CCDC33: variants seen among roughly 807,000 people sequenced by gnomAD.
CCDC33 encodes coiled-coil domain-containing protein 33.
CCDC33 carries 94 observed loss-of-function variants against 91.9 expected under a neutral mutation model. The observed-to-expected ratio is 1.02, with a 90% confidence interval of 0.87 to 1.21. CCDC33 has a LOEUF of 1.21. CCDC33 is among the 50% of genes most tolerant of loss of function. The pLI is 0.00. For synonymous variants in CCDC33, 396 were observed against 374.5 expected (o/e 1.06, Z -0.66); for missense variants, 940 against 935.5 (o/e 1.00, Z -0.06).
upstream of CCDC33, among the ~76,000 whole-genome samples, chr15:74,232,281 G>A (rs2142203064): frequency 6.6e-6 from 1 of 152,294 alleles, no homozygotes; most frequent in African/African-American, 2.4e-5. Flanking sequence ...TTCAAATTCA[G>A]GAGCTTGAGG....
intron 2 of CCDC33, among the ~76,000 whole-genome samples, chr15:74,247,908 C>A (rs1171595920): frequency 6.6e-6 from 1 of 152,110 alleles, no homozygotes; most frequent in African/African-American, 2.4e-5. Flanking sequence ...GAAACCCCAT[C>A]TCTATTAAAA....
rs555744376 is a variant in CCDC33, at chr15:74,331,404, T to C, written c.1771+108T>C. 1.7e-4 allele frequency: 182 copies of C among 1,099,012 alleles called. 2 individuals carry two copies. In the East Asian group the frequency reaches 2.9e-3, roughly 17 times the overall value. 68.1% of individuals were successfully genotyped at this position (1,099,012 alleles called of 1,614,324 possible). The stretch of plus-strand genomic sequence containing the variant: ...CAGGAGAACCTGCGAAGAGGTCCCC[T>C]GCACTCAGTTATGTCTGTGGGCCTG... On this transcript the variant is annotated intron_variant, in intron 15 of 18. Coordinates refer to ENST00000398814, the MANE Select transcript of CCDC33 (RefSeq NM_025055.5).
intron 11 of CCDC33, among the ~76,000 whole-genome samples, chr15:74,308,607 C>G (rs1319947617): frequency 1.1e-3 from 173 of 152,274 alleles, no homozygotes; most frequent in Non-Finnish European, 4.4e-5. Flanking sequence ...GGAGGGGGGA[C>G]AGCGTTGCCC....
At chr15:74,240,315 G>A (rs1039440346) in intron 1 of CCDC33, among the ~76,000 whole-genome samples, 1 of 152,240 alleles carries the variant, frequency 6.6e-6, no homozygotes, top group East Asian at 1.9e-4. Flanking sequence ...TGGGCTCTGG[G>A]GCTGCCAGGG....
At chr15:74,220,740 A>G (rs2074565996) in intron 2 of CCDC33, among the ~76,000 whole-genome samples, 4 of 152,196 alleles carry the variant, frequency 2.6e-5, no homozygotes, top group Admixed American at 2.0e-4. Context: ...AATGGCTTTC[A>G]AGGGAGAGGA....
intron 2 of CCDC33, among the ~76,000 whole-genome samples, chr15:74,222,799 C>T (rs1347603504): frequency 2.5e-4 from 37 of 148,558 alleles, no homozygotes; most frequent in Non-Finnish European, 4.9e-4. Flanking sequence ...CCCACTCCCC[C>T]GACCCCCGCC....
chr15:74,241,146 AC>A (rs1413485968), intron 1 of CCDC33, among the ~76,000 whole-genome samples: 1 of 151,664 alleles, frequency 6.6e-6, no homozygotes, highest in South Asian at 2.1e-4. Context: ...AGGAGGGGCA[AC>A]CCTCATCAAC....
At chr15:74,305,538 T>C (rs1225956117) in intron 11 of CCDC33, among the ~76,000 whole-genome samples, 1 of 152,056 alleles carries the variant, frequency 6.6e-6, no homozygotes, top group African/African-American at 2.4e-5. Context: ...GGGGAAGTAC[T>C]CAAACCCCAA....
At chr15:74,250,265 A>G (rs559301634) in intron 2 of CCDC33, among the ~76,000 whole-genome samples, 1 of 152,290 alleles carries the variant, frequency 6.6e-6, no homozygotes, top group African/African-American at 2.4e-5. Context: ...GTGCCATAGT[A>G]CCAAAGGAAC....
chr15:74,301,466 G>C (rs1481700901), intron 11 of CCDC33: 1 of 152,352 alleles, frequency 6.6e-6, no homozygotes, highest in African/African-American at 2.4e-5. Context: ...CCAGTGGACA[G>C]GAGCAAGCCA....
intron 2 of CCDC33, 125 bp from the exon 3 acceptor site, chr15:74,262,315 A>C: frequency 3.1e-6 from 4 of 1,270,204 alleles, no homozygotes; most frequent in Non-Finnish European, 4.4e-6. Flanking sequence ...GTGTCTATGC[A>C]TGGGACAGAG....
In CCDC33 at chr15:74,334,982, A is replaced by T. The variant is rs1390933116; in HGVS notation, c.2033A>T (p.Asp678Val). 1 of 1,613,512 alleles carries T rather than the reference A, an allele frequency of 6.2e-7. No individual in the cohort carries two copies. Among genetic ancestry groups the T allele is most frequent in the African/African-American group, 1.3e-5 (1 of 74,842 alleles). Residue 678 changes from aspartate (D) to valine (V), a missense_variant, in exon 18 of 19, where the codon GAC (aspartate) becomes GTC (valine). Asp to Val is a radical substitution (Grantham distance 152). Coordinates refer to ENST00000398814, the MANE Select transcript of CCDC33 (RefSeq NM_025055.5). ...RILSLESQLEDSARRWGREKQ... is the reference protein window; with the variant it reads ...RILSLESQLEVSARRWGREKQ... The stretch of plus-strand genomic sequence containing the variant: ...CCCTCTCTGTGTCTGCAGTTAGAGG[A>T]CTCAGCTCGACGCTGGGGACGAGAG...
intron 1 of CCDC33, 106 bp downstream of exon 1, chr15:74,236,846 C>T: frequency 1.8e-6 from 2 of 1,130,064 alleles, no homozygotes; most frequent in African/African-American, 1.5e-5. Context: ...AGCTTCCCTT[C>T]CCTGGGTCTC....
At chr15:74,273,759 G>C (rs1034564257) in intron 7 of CCDC33, among the ~76,000 whole-genome samples, 1 of 151,516 alleles carries the variant, frequency 6.6e-6, no homozygotes, top group Non-Finnish European at 1.5e-5. Flanking sequence ...ATGAGTCACT[G>C]CGCCCAGCGA....
chr15:74,302,551 C>T (rs1000228135), intron 11 of CCDC33: 19 of 152,314 alleles, frequency 1.2e-4, no homozygotes, highest in Admixed American at 3.9e-4. Context: ...GGCGGCTGGC[C>T]GTGTAGCAGA....
chr15:74,329,753 G>A (rs143709258), intron 11 of CCDC33, among the ~76,000 whole-genome samples: 2 of 152,244 alleles, frequency 1.3e-5, no homozygotes, highest in Non-Finnish European at 2.9e-5. Context: ...ATTTCTGAGA[G>A]GTTCTTCCCT....
intron 2 of CCDC33, among the ~76,000 whole-genome samples, chr15:74,225,604 CCA>C (rs1212277118): frequency 6.6e-6 from 1 of 152,036 alleles, no homozygotes; most frequent in Non-Finnish European, 1.5e-5. Context: ...GCACATCCTC[CCA>C]CACACAGACT....
At chr15:74,288,897 G>A (rs2059530627) in intron 10 of CCDC33, among the ~76,000 whole-genome samples, 1 of 152,118 alleles carries the variant, frequency 6.6e-6, no homozygotes, top group African/African-American at 2.4e-5. Flanking sequence ...CCATAAAAGG[G>A]GATTGTAATC....
intron 11 of CCDC33, chr15:74,302,962 G>C (rs1246578722): frequency 6.6e-6 from 1 of 152,394 alleles, no homozygotes; most frequent in African/African-American, 2.4e-5. Context: ...TGAGTGCCCT[G>C]AGGCTCCTGC....
Sources: gnomAD v4.1 joint callset for allele counts (sites outside exome capture counted in the v4.1 genomes callset) on GRCh38, gnomAD v4.1.1 for gene constraint, MANE v1.5 for transcripts, NCBI Gene and HGNC (gene_info 2026-07-23, HGNC 2026-07-21) for gene names.